Variants in DYNC2H1 observed in about 807,000 individuals in gnomAD.
The protein encoded by DYNC2H1 is dynein cytoplasmic 2 heavy chain 1, also known as cytoplasmic dynein 2 heavy chain 1.
A neutral mutation model predicts 570.0 loss-of-function variants in DYNC2H1; 410 were observed. The observed-to-expected ratio is 0.72, with a 90% CI of 0.66 to 0.78. The LOEUF (loss-of-function observed/expected upper bound fraction) is 0.78. DYNC2H1 is among the 30% of genes least tolerant of loss of function. The probability of loss-of-function intolerance (pLI) is 0.00; values close to 1 mark genes in which losing one functional copy is unlikely to be tolerated. For missense variants in DYNC2H1, 4,865 were observed against 5,046.4 expected (o/e 0.96, Z 1.09); for synonymous variants, 1,688 against 1,677.6 (o/e 1.01, Z -0.15).
At position 103,153,289 on chromosome 11, in the gene DYNC2H1, T is replaced by G. The variant is rs1199849575; in HGVS notation, c.3097-14T>G. 6.6e-7 allele frequency: 1 copy of G among 1,515,218 alleles called. No homozygotes were observed. Among genetic ancestry groups the G allele is most frequent in the Admixed American group, 2.5e-5 (1 of 40,406 alleles). The allele number at this position is 1,515,218 out of a possible 1,614,324, so 93.9% of individuals were successfully genotyped here. On this transcript the variant is annotated splice_polypyrimidine_tract_variant and intron_variant, in intron 21 of 88. Transcript: ENST00000375735. The stretch of plus-strand genomic sequence containing the variant: ...TACTCTGCATTAAATTATTTAAATT[T>G]TATTGGCTTATAGATTGAAGTGATG...
chr11:103,428,389 A>G (rs978836570), intron 84 of DYNC2H1, among the ~76,000 whole-genome samples: 1 of 152,156 alleles, frequency 6.6e-6, no homozygotes, highest in Non-Finnish European at 1.5e-5. Context: ...ATAAATAACA[A>G]AAACTATCTA....
Position 103,147,853 on chromosome 11 carries a change from T to A in DYNC2H1, c.2784T>A (p.Asp928Glu). The A allele has an allele frequency of 6.2e-7, 1 of 1,611,536 alleles. No individual in the cohort carries two copies. Among genetic ancestry groups the A allele is most frequent in the Non-Finnish European group, 8.5e-7 (1 of 1,178,996 alleles). Residue 928 changes from aspartate (D) to glutamate (E), a missense_variant, in exon 19 of 89, where the codon GAT (aspartate) becomes GAA (glutamate). Asp to Glu is a conservative substitution (Grantham distance 45). Around this residue, in one of 5 missense-constraint regions of DYNC2H1, gnomAD observed 1,936 missense variants for 1,962.1 expected, o/e 0.99. Coordinates refer to ENST00000375735, the MANE Select transcript of DYNC2H1 (RefSeq NM_001377.3). ...ATGATCTCATCCAGAAGTTATTTGA[T>A]CTGCTTGTTCTTTCTTTGAAGAAGT... ...VIDDLIQKLF[D>E]LLVLSLKKSI... is the part of the protein sequence containing the mutation.
Position 103,257,614 on chromosome 11 carries a change from G to A in DYNC2H1, c.10468G>A (p.Asp3490Asn), listed in dbSNP as rs1865111123. 11 of 1,609,622 alleles carry A rather than the reference G, an allele frequency of 6.8e-6. No homozygotes were observed. Among genetic ancestry groups the A allele is most frequent in the Non-Finnish European group, 9.3e-6 (11 of 1,177,512 alleles). ...KLQISLDQERDAYLPLAESAS... is the reference protein window; with the variant it reads ...KLQISLDQERNAYLPLAESAS... ...CTGATCTCTTGATCCATAGGAACGG[G>A]ATGCCTATCTCCCCCTGGCTGAGAG... The change falls in exon 69 of 89, where the codon GAT becomes AAT. Residue 3490 changes from aspartate (D) to asparagine (N), a missense_variant. By Grantham distance (23) the Asp-to-Asn change is conservative (BLOSUM62 1). This residue lies in a region of DYNC2H1 where 2,401 missense variants were observed against 2,454.6 expected (regional missense o/e 0.98). Coordinates refer to ENST00000375735, the MANE Select transcript of DYNC2H1 (RefSeq NM_001377.3).
chr11:103,467,805 G>A (rs1013561694), intron 87 of DYNC2H1, among the ~76,000 whole-genome samples: 2 of 152,136 alleles, frequency 1.3e-5, no homozygotes, highest in African/African-American at 4.8e-5. Flanking sequence ...CCAAAGTGCT[G>A]GGATTACAGG....
In DYNC2H1 at chr11:103,316,369, A is replaced by C. The variant is rs34010962; in HGVS notation, c.11650-176A>C. Reference sequence around the variant, plus strand: ...GTACTTTTCATGCTATGGCCAGTTAATTTTTTTTAAGTTTACTGTTACTTT... The same window carrying C: ...GTACTTTTCATGCTATGGCCAGTTACTTTTTTTTAAGTTTACTGTTACTTT... On this transcript the variant is annotated intron_variant, in intron 79 of 88. Transcript: ENST00000375735. 0.34 allele frequency among the ~76,000 whole-genome samples: 52,107 copies of C among 151,716 alleles called. 9,276 individuals carry two copies. The highest frequency in any genetic ancestry group is 0.41 in the South Asian group (1,988 of 4,814).
chr11:103,181,863 G>T lies in DYNC2H1; in HGVS notation c.6454G>T (p.Ala2152Ser). The change falls in exon 40 of 89, where the codon GCT (alanine) becomes TCT (serine). Residue 2152 changes from alanine (A) to serine (S), a missense_variant. Physicochemically the swap from Ala to Ser is moderately conservative, Grantham distance 99. Coordinates refer to ENST00000375735, the MANE Select transcript of DYNC2H1 (RefSeq NM_001377.3). The surrounding 1 kb of genome is among the most constrained non-coding windows in gnomAD (Gnocchi z 5.0). ...ENWIGDYFEK[A>S]LQWVLKQNDY... ...TTGGATTGGAGATTATTTTGAAAAGGCTTTACAATGGGTTCTAAAGCAGGT... is the reference window on the plus strand; with the variant it reads ...TTGGATTGGAGATTATTTTGAAAAGTCTTTACAATGGGTTCTAAAGCAGGT... 6.2e-7 allele frequency: 1 copy of T among 1,605,122 alleles called. No individual in the cohort carries two copies. The highest frequency in any genetic ancestry group is 8.5e-7 in the Non-Finnish European group (1 of 1,174,922).
chr11:103,257,631 G>A lies in DYNC2H1; in HGVS notation c.10485G>A (p.Leu3495=). ...LDQERDAYLP[L]AESASKMYFI... ...AGGAACGGGATGCCTATCTCCCCCT[G>A]GCTGAGAGTGCCAGCAAGATGTACT... Residue 3495 remains leucine, a synonymous_variant, in exon 69 of 89, where the codon CTG becomes CTA. Transcript: ENST00000375735. 6.2e-7 allele frequency: 1 copy of A among 1,612,338 alleles called. No individual in the cohort carries two copies. The highest frequency in any genetic ancestry group is 8.5e-7 in the Non-Finnish European group (1 of 1,178,928).
intron 5 of DYNC2H1, 98 bp downstream of exon 5, chr11:103,116,812 A>C: frequency 9.2e-7 from 1 of 1,083,552 alleles, no homozygotes. Flanking sequence ...TCCTTTATGT[A>C]ATACTGTAAC....
chr11:103,192,775 A>G (rs1485725779), intron 47 of DYNC2H1, among the ~76,000 whole-genome samples: 5 of 152,204 alleles, frequency 3.3e-5, no homozygotes, highest in Non-Finnish European at 7.4e-5. Context: ...TTAATAACCA[A>G]TCTGCATTTT....
chr11:103,459,080 C>T lies in DYNC2H1; in HGVS notation c.12648+2724C>T, dbSNP rs1272021723. Among the ~76,000 whole-genome samples the T allele has an allele frequency of 3.3e-5, 5 of 151,534 alleles. No individual in the cohort carries two copies. In the East Asian group the frequency reaches 7.9e-4, roughly 24 times the overall value. On this transcript the variant is annotated intron_variant, in intron 87 of 88. Transcript: ENST00000375735. Reference sequence around the variant, plus strand: ...ATCCCAGCACTTTGGGAGGCCGAGGCGGGCGGATCACGAGGTCAGGAGATC... The same window carrying T: ...ATCCCAGCACTTTGGGAGGCCGAGGTGGGCGGATCACGAGGTCAGGAGATC...
chr11:103,465,618 C>T lies in DYNC2H1; in HGVS notation c.12649-2971C>T, dbSNP rs7107694. Among the ~76,000 whole-genome samples, 1 of 152,082 alleles carries T rather than the reference C, an allele frequency of 6.6e-6. No individual in the cohort carries two copies. The highest frequency in any genetic ancestry group is 6.6e-5 in the Admixed American group (1 of 15,260). ...CTCAGACCCACTCTGCATCTGCATTCGGCTAGATCAGTTAGAAGGGAAGGT... is the reference window on the plus strand; with the variant it reads ...CTCAGACCCACTCTGCATCTGCATTTGGCTAGATCAGTTAGAAGGGAAGGT... On this transcript the variant is annotated intron_variant, in intron 87 of 88. Transcript: ENST00000375735. The surrounding 1 kb of genome is among the most constrained non-coding windows in gnomAD (Gnocchi z 4.9).
rs2134995264 is a variant in DYNC2H1 at position 103,177,805 on chromosome 11, G to T, written c.6124G>T (p.Val2042Phe). 1 of 1,610,064 alleles carries T rather than the reference G, an allele frequency of 6.2e-7. No homozygotes were observed. The highest frequency in any genetic ancestry group is 2.2e-5 in the East Asian group (1 of 44,762). Residue 2042 changes from valine (V) to phenylalanine (F), a missense_variant, in exon 38 of 89, where the codon GTT becomes TTT. This residue lies in a region of DYNC2H1 where 231 missense variants were observed against 310.3 expected (regional missense o/e 0.74). Coordinates refer to ENST00000375735, the MANE Select transcript of DYNC2H1 (RefSeq NM_001377.3). This position sits in a 1 kb window ranked among gnomAD's most constrained non-coding sequence, Gnocchi z 4.4. ...TTTGACAAATAGTGCTCGTCAAGTG[G>T]TTCGGGAACCTCAAGGTTAGTCTCT... Reference protein sequence around the residue: ...GVLTNSARQVVREPQDVSSWI... With the variant: ...GVLTNSARQVFREPQDVSSWI...
At chr11:103,430,422 T>C (rs562857098) in intron 84 of DYNC2H1, among the ~76,000 whole-genome samples, 1 of 152,248 alleles carries the variant, frequency 6.6e-6, no homozygotes, top group East Asian at 1.9e-4. Context: ...TCGTTATCCT[T>C]CTTTTTCTCA....
intron 39 of DYNC2H1, 87 bp downstream of exon 39, chr11:103,179,320 A>G: frequency 2.5e-6 from 3 of 1,195,022 alleles, no homozygotes; most frequent in South Asian, 4.2e-5. Flanking sequence ...TGTAGTGTGA[A>G]TAATGAATAC....
chr11:103,170,941 C>A lies in DYNC2H1; in HGVS notation c.5207C>A (p.Ala1736Asp). Residue 1736 changes from alanine to aspartate, a missense_variant, in exon 34 of 89, where the codon GCC becomes GAC. Physicochemically the swap from Ala to Asp is moderately radical, Grantham distance 126. This residue lies in a region of DYNC2H1 where 292 missense variants were observed against 300.2 expected (regional missense o/e 0.97). Transcript: ENST00000375735. The surrounding 1 kb of genome is among the most constrained non-coding windows in gnomAD (Gnocchi z 4.8). The stretch of plus-strand genomic sequence containing the variant: ...TTTGTTGGTTTGGTGAAGTGTGGGG[C>A]CTGGGGTTGTTTTGATGAATTTAAT... ...RIFVGLVKCG[A>D]WGCFDEFNRL... 2 of 1,603,116 alleles carry A rather than the reference C, an allele frequency of 1.2e-6. No homozygotes were observed. Among genetic ancestry groups the A allele is most frequent in the South Asian group, 1.1e-5 (1 of 89,444 alleles).
chr11:103,265,540 G>C (rs1865474035), intron 70 of DYNC2H1, among the ~76,000 whole-genome samples: 1 of 152,180 alleles, frequency 6.6e-6, no homozygotes, highest in Non-Finnish European at 1.5e-5. Flanking sequence ...TAGGTTGTCT[G>C]TCAGTCCCTG....
chr11:103,449,474 C>T (rs750383150), intron 85 of DYNC2H1, among the ~76,000 whole-genome samples: 1 of 152,126 alleles, frequency 6.6e-6, no homozygotes, highest in Non-Finnish European at 1.5e-5. Flanking sequence ...TTTAACTATT[C>T]ATGGAAGCTC....
At chr11:103,148,923 G>C (rs757730843) in intron 20 of DYNC2H1, among the ~76,000 whole-genome samples, 7 of 152,226 alleles carry the variant, frequency 4.6e-5, no homozygotes, top group Non-Finnish European at 8.8e-5. Flanking sequence ...CGGTTGTGGT[G>C]GTGGGTGCCT....
chr11:103,388,649 A>G (rs543904142), intron 83 of DYNC2H1, among the ~76,000 whole-genome samples: 2 of 152,242 alleles, frequency 1.3e-5, no homozygotes, highest in Admixed American at 1.3e-4. Flanking sequence ...TTTCTCATAG[A>G]TAGCTCTTAT....
Sources: gnomAD v4.1 joint callset for allele counts (sites outside exome capture counted in the v4.1 genomes callset) on GRCh38, gnomAD v4.1.1 for gene constraint, gnomAD v4.1.1 regional missense constraint, Gnocchi (gnomAD v3.1) non-coding constraint, MANE v1.5 for transcripts, NCBI Gene and HGNC (gene_info 2026-07-23, HGNC 2026-07-21) for gene names.